The following ANXA10 variants were observed in gnomAD, a reference collection of about 807,000 sequenced individuals.
ANXA10 encodes the protein annexin 14.
Under a neutral mutation model 53.5 loss-of-function variants are expected in ANXA10, and 49 were observed. The observed-to-expected ratio is 0.92, with a 90% CI of 0.73 to 1.16. The LOEUF (loss-of-function observed/expected upper bound fraction) is 1.16, where lower values mean the gene tolerates loss of function less well. Among genes scored for constraint, ANXA10 ranks in the 50% most tolerant of loss-of-function variants. The pLI is 0.00. For missense variants in ANXA10, 393 were observed against 394.4 expected, an observed-to-expected ratio of 1.00 and a Z score of 0.03; for synonymous variants, 131 against 128.9, an observed-to-expected ratio of 1.02 and a Z score of -0.11.
In ANXA10 at chr4:168,115,966, A is replaced by G. The variant is rs78728193; in HGVS notation, c.19-12118A>G. ...CACTGTGGTACATGGATTTTTTTAT[A>G]CTTTATAAACATTCTCTGAGCTCGC... On this transcript the variant is annotated intron_variant, in intron 1 of 11. Coordinates refer to ENST00000359299, the MANE Select transcript of ANXA10 (RefSeq NM_007193.5). Among the ~76,000 whole-genome samples the G allele has an allele frequency of 7.0e-3, 1,063 of 152,278 alleles. 8 individuals are homozygous for G. The highest frequency in any genetic ancestry group is 0.024 in the African/African-American group (1,007 of 41,544).
At chr4:168,134,171 A>G (rs532326238) in intron 2 of ANXA10, among the ~76,000 whole-genome samples, 128 of 152,252 alleles carry the variant, frequency 8.4e-4, no homozygotes, top group Non-Finnish European at 1.6e-3. Context: ...TAGAAGTGCA[A>G]ATATAAGTAA....
intron 2 of ANXA10, among the ~76,000 whole-genome samples, chr4:168,135,421 G>A (rs1215518435): frequency 6.6e-6 from 1 of 152,172 alleles, no homozygotes. Flanking sequence ...TCTCTAAGAG[G>A]CAGAGAAAGA....
intron 1 of ANXA10, among the ~76,000 whole-genome samples, chr4:168,117,641 G>A (rs1036309339): frequency 7.2e-5 from 11 of 152,160 alleles, no homozygotes; most frequent in Admixed American, 2.0e-4. Context: ...GTTGATATAC[G>A]TAAGAGTTAT....
Position 168,187,678 on chromosome 4 carries a change from A to G in ANXA10, c.*244A>G, listed in dbSNP as rs1732397391. 3.3e-6 allele frequency: 1 copy of G among 302,406 alleles called. No individual in the cohort carries two copies. 18.7% of individuals were successfully genotyped at this position (302,406 alleles called of 1,614,324 possible). Reference sequence around the variant, plus strand: ...CAATTAAATAAATTGTGCATGATGGAATAATAGAAAAATTGCATTGGAATA... The same window carrying G: ...CAATTAAATAAATTGTGCATGATGGGATAATAGAAAAATTGCATTGGAATA... On this transcript the variant is annotated 3_prime_UTR_variant, in exon 12 of 12. Transcript: ENST00000359299.
At chr4:168,109,577 A>G (rs116458383) in intron 1 of ANXA10, among the ~76,000 whole-genome samples, 3,586 of 152,308 alleles carry the variant, frequency 0.024, 134 homozygotes, top group African/African-American at 0.078. Flanking sequence ...ATAAAATGAT[A>G]AAATTTCATT....
chr4:168,159,677 G>T (rs1222997165), intron 3 of ANXA10, among the ~76,000 whole-genome samples: 1 of 152,056 alleles, frequency 6.6e-6, no homozygotes, highest in African/African-American at 2.4e-5. Context: ...GCAGAAATTT[G>T]TTTATAATAG....
At chr4:168,170,083 T>G (rs183123217) in intron 6 of ANXA10, among the ~76,000 whole-genome samples, 2 of 152,342 alleles carry the variant, frequency 1.3e-5, no homozygotes, top group Admixed American at 1.3e-4. Flanking sequence ...ACAATGATGC[T>G]TTATTAATGA....
At chr4:168,108,495 G>A (rs890445729) in intron 1 of ANXA10, among the ~76,000 whole-genome samples, 1 of 152,084 alleles carries the variant, frequency 6.6e-6, no homozygotes, top group African/African-American at 2.4e-5. Flanking sequence ...ATTTCTCATG[G>A]CAAACAATCT....
intron 3 of ANXA10, among the ~76,000 whole-genome samples, chr4:168,147,954 C>T (rs75841231): frequency 0.013 from 1,973 of 152,250 alleles, 49 homozygotes; most frequent in African/African-American, 0.045. Context: ...CAGCATGACA[C>T]GTTGATATCC....
chr4:168,100,449 A>G (rs752373753), intron 1 of ANXA10, among the ~76,000 whole-genome samples: 1 of 152,082 alleles, frequency 6.6e-6, no homozygotes, highest in Non-Finnish European at 1.5e-5. Flanking sequence ...CCATCTTTCT[A>G]TTCACAAACT....
At chr4:168,151,705 TTGTAA>T (rs1731500378) in intron 3 of ANXA10, among the ~76,000 whole-genome samples, 1 of 152,240 alleles carries the variant, frequency 6.6e-6, no homozygotes, top group African/African-American at 2.4e-5. Flanking sequence ...CACTTTGAAC[TTGTAA>T]TGTTCAGTTA....
At chr4:168,110,672 T>C (rs545893338) in intron 1 of ANXA10, among the ~76,000 whole-genome samples, 9 of 152,194 alleles carry the variant, frequency 5.9e-5, no homozygotes, top group East Asian at 1.9e-4. Context: ...AGTTCTTTAG[T>C]ATATAGTTAA....
At chr4:168,120,966 A>T (rs1451297246) in intron 1 of ANXA10, among the ~76,000 whole-genome samples, 1 of 152,114 alleles carries the variant, frequency 6.6e-6, no homozygotes, top group Non-Finnish European at 1.5e-5. Flanking sequence ...TTGGCCCATA[A>T]GGAAAAATTC....
At chr4:168,151,973 T>C (rs1484720280) in intron 3 of ANXA10, among the ~76,000 whole-genome samples, 1 of 152,230 alleles carries the variant, frequency 6.6e-6, no homozygotes, top group Non-Finnish European at 1.5e-5. Context: ...TCATTCACTC[T>C]TTCATTCACT....
At chr4:168,123,461 T>C (rs903180674) in intron 1 of ANXA10, among the ~76,000 whole-genome samples, 1 of 152,232 alleles carries the variant, frequency 6.6e-6, no homozygotes, top group African/African-American at 2.4e-5. Context: ...GGGTTGATTC[T>C]GGTTTAATAT....
rs567753440 is a variant in ANXA10 at position 168,125,617 on chromosome 4, C to T, written c.19-2467C>T. Among the ~76,000 whole-genome samples the T allele has an allele frequency of 2.6e-5, 4 of 152,054 alleles. No individual in the cohort carries two copies. In the South Asian group the frequency reaches 8.3e-4, roughly 32 times the overall value. ...GAAATATGATCCATATATTGATGTA[C>T]CTATTGATATGAGATAGTAAAAATA... On this transcript the variant is annotated intron_variant, in intron 1 of 11. Transcript: ENST00000359299.
chr4:168,181,406 A>G (rs1732242044), intron 9 of ANXA10, among the ~76,000 whole-genome samples: 1 of 151,790 alleles, frequency 6.6e-6, no homozygotes. Context: ...AAAAAAAAAA[A>G]AGAAGATGAT....
intron 6 of ANXA10, among the ~76,000 whole-genome samples, chr4:168,167,844 G>A (rs1370163363): frequency 1.3e-5 from 2 of 152,050 alleles, no homozygotes; most frequent in African/African-American, 4.8e-5. Flanking sequence ...TCTCTTAGAA[G>A]GTAAAACTGG....
At chr4:168,183,858 A>G (rs903199465) in intron 10 of ANXA10, among the ~76,000 whole-genome samples, 2 of 152,212 alleles carry the variant, frequency 1.3e-5, no homozygotes, top group Non-Finnish European at 2.9e-5. Flanking sequence ...ATATACATTC[A>G]AAACATTGTC....
Sources: allele counts gnomAD v4.1 joint callset (sites outside exome capture counted in the v4.1 genomes callset), GRCh38; gene constraint gnomAD v4.1.1; transcripts MANE v1.5; gene names NCBI Gene and HGNC (gene_info 2026-07-23, HGNC 2026-07-21).